Variants in USP4 observed in about 807,000 individuals in gnomAD.
USP4 encodes ubiquitin carboxyl-terminal hydrolase 4.
In USP4, 72 loss-of-function variants were observed where a neutral mutation model predicts 118.2. That is an observed-to-expected ratio of 0.61 (90% confidence interval 0.50 to 0.74). The LOEUF (loss-of-function observed/expected upper bound fraction) is 0.74. Ranked by LOEUF, USP4 falls within the 30% of genes least tolerant of loss-of-function variation. The probability of loss-of-function intolerance (pLI) is 0.00; values close to 1 mark genes in which losing one functional copy is unlikely to be tolerated. For missense variants in USP4, 1,037 were observed against 1,185.7 expected (o/e 0.87, Z 1.84); for synonymous variants, 415 against 440.4 (o/e 0.94, Z 0.72).
At chr3:49,301,487 A>G (rs1398315212) in intron 10 of USP4, among the ~76,000 whole-genome samples, 1 of 152,136 alleles carries the variant, frequency 6.6e-6, no homozygotes, top group Non-Finnish European at 1.5e-5. Context: ...CAGGAGTTCA[A>G]TATCAGCCTG....
At chr3:49,302,574 A>T (rs11713251) in intron 9 of USP4, 32 bp from the exon 10 acceptor site, 21,564 of 1,603,282 alleles carry the variant, frequency 0.013, 176 homozygotes, top group Non-Finnish European at 0.016. Flanking sequence ...CAGAAGGCAT[A>T]ATACGTAAAG....
intron 2 of USP4, among the ~76,000 whole-genome samples, chr3:49,333,615 GGAGA>G (rs146246183): frequency 6.6e-6 from 1 of 152,138 alleles, no homozygotes. Context: ...CAAAGCCTGA[GGAGA>G]GAGAGAGAGA....
At chr3:49,315,663 T>C (rs2047427359) in intron 6 of USP4, among the ~76,000 whole-genome samples, 1 of 152,200 alleles carries the variant, frequency 6.6e-6, no homozygotes, top group Non-Finnish European at 1.5e-5. Flanking sequence ...GTCAAGCCTC[T>C]GGACTCCCAG....
At chr3:49,324,652 G>A (rs1352959483) in intron 6 of USP4, 50 bp downstream of exon 6, 13 of 1,534,458 alleles carry the variant, frequency 8.5e-6, no homozygotes, top group Non-Finnish European at 1.2e-5. Context: ...AGGAAAGACT[G>A]TCTCTTTTGC....
chr3:49,296,228 G>A (rs2107776145), intron 13 of USP4, among the ~76,000 whole-genome samples: 1 of 152,220 alleles, frequency 6.6e-6, no homozygotes, highest in Non-Finnish European at 1.5e-5. Flanking sequence ...CTACTCAGGA[G>A]GCTGAGGCAG....
intron 1 of USP4, among the ~76,000 whole-genome samples, chr3:49,338,940 G>A (rs561118262): frequency 6.6e-6 from 1 of 152,258 alleles, no homozygotes; most frequent in African/African-American, 2.4e-5. Context: ...AAGGTCAAGA[G>A]TTTGAGACCA....
intron 6 of USP4, chr3:49,317,480 T>A (rs1349277275): frequency 3.0e-6 from 2 of 670,100 alleles, no homozygotes; most frequent in African/African-American, 3.7e-5. Flanking sequence ...TGGGGCCCCC[T>A]ATTTTTTTTT....
At chr3:49,285,415 G>A (rs1042783731) in intron 16 of USP4, among the ~76,000 whole-genome samples, 4 of 152,186 alleles carry the variant, frequency 2.6e-5, no homozygotes, top group Non-Finnish European at 5.9e-5. Context: ...AAAGACTGGA[G>A]TTTGAGAAGA....
intron 6 of USP4, chr3:49,318,528 A>C (rs954259894): frequency 1.0e-6 from 1 of 985,342 alleles, no homozygotes; most frequent in African/African-American, 1.7e-5. Context: ...ATATTAAGTT[A>C]GCTGGAGCAA....
intron 6 of USP4, chr3:49,318,750 A>G (rs955500446): frequency 2.9e-6 from 1 of 346,028 alleles, no homozygotes; most frequent in Non-Finnish European, 4.1e-6. Flanking sequence ...CTCTACTAAA[A>G]ATACAAAAAA....
Position 49,278,040 on chromosome 3 carries a change from C to A in USP4, c.*253G>T, listed in dbSNP as rs954605492. On this transcript the variant is annotated 3_prime_UTR_variant, in exon 22 of 22. Transcript: ENST00000265560. The stretch of plus-strand genomic sequence containing the variant: ...ACTCCATTGAGTACCCCCATCCCAC[C>A]CCCTTTTCAGCTTCACAGGTTTCAC... 4 of 504,468 alleles carry A rather than the reference C, an allele frequency of 7.9e-6. No homozygotes were observed. In the African/African-American group the frequency reaches 8.1e-5, roughly 10 times the overall value. The allele number at this position is 504,468 out of a possible 1,614,324, so 31.2% of individuals were successfully genotyped here.
At chr3:49,302,277 A>G in intron 10 of USP4, 107 bp downstream of exon 10, 1 of 1,306,310 alleles carries the variant, frequency 7.7e-7, no homozygotes, top group Non-Finnish European at 1.0e-6. Context: ...GTGAGAAGCA[A>G]CCAGGGCCCT....
chr3:49,309,126 C>T (rs2047353489), intron 8 of USP4, among the ~76,000 whole-genome samples: 1 of 151,824 alleles, frequency 6.6e-6, no homozygotes, highest in Non-Finnish European at 1.5e-5. Context: ...CTGACCTCTG[C>T]CCTATATGCC....
At chr3:49,306,048 G>T (rs142303931) in intron 8 of USP4, among the ~76,000 whole-genome samples, 160 bp from the exon 9 acceptor site, 1 of 152,010 alleles carries the variant, frequency 6.6e-6, no homozygotes, top group Non-Finnish European at 1.5e-5. Flanking sequence ...GCCTCAAGGA[G>T]GCCAAGCTGC....
At chr3:49,287,450 G>A (rs780126145) in intron 15 of USP4, among the ~76,000 whole-genome samples, 9 of 151,896 alleles carry the variant, frequency 5.9e-5, no homozygotes, top group Admixed American at 1.3e-4. Flanking sequence ...CACTGCACCC[G>A]GCCAAGAAAC....
intron 15 of USP4, among the ~76,000 whole-genome samples, chr3:49,286,816 C>CTCTATCTATCCA (rs2047095064): frequency 7.1e-6 from 1 of 141,230 alleles, no homozygotes; most frequent in Admixed American, 7.3e-5. Context: ...ACTCTAGCCA[C>CTCTATCTATCCA]TCTATCTATC....
chr3:49,280,093 T>A (rs886087963), intron 20 of USP4, among the ~76,000 whole-genome samples: 2 of 151,760 alleles, frequency 1.3e-5, no homozygotes, highest in African/African-American at 4.8e-5. Context: ...CAAAACCCTG[T>A]CTCTACTAAA....
intron 1 of USP4, among the ~76,000 whole-genome samples, chr3:49,338,366 G>T (rs1177570921): frequency 1.3e-5 from 2 of 151,808 alleles, no homozygotes; most frequent in African/African-American, 2.4e-5. Flanking sequence ...AACTTAAAAA[G>T]TACCTCTGCT....
intron 3 of USP4, 146 bp downstream of exon 3, chr3:49,327,538 CAA>C: frequency 3.9e-5 from 29 of 746,420 alleles, no homozygotes; most frequent in South Asian, 7.0e-5. Flanking sequence ...GACTCCATCT[CAA>C]AAAAAAAAGA....
Sources: allele counts gnomAD v4.1 joint callset (sites outside exome capture counted in the v4.1 genomes callset), GRCh38; gene constraint gnomAD v4.1.1; transcripts MANE v1.5; gene names NCBI Gene and HGNC (gene_info 2026-07-23, HGNC 2026-07-21).